KIZ: variants seen among roughly 807,000 people sequenced by gnomAD.
KIZ encodes the protein kizuna centrosomal protein.
Under a neutral mutation model 79.6 loss-of-function variants are expected in KIZ, and 68 were observed. That is an observed-to-expected ratio of 0.85 (90% CI 0.70 to 1.05). The LOEUF (loss-of-function observed/expected upper bound fraction) is 1.05. Among genes scored for constraint, KIZ ranks in the 50% least tolerant of loss-of-function variants. KIZ has a pLI of 0.00. For missense variants in KIZ, 797 were observed against 800.4 expected, an observed-to-expected ratio of 1.00 and a Z score of 0.05; for synonymous variants, 280 against 281.8, an observed-to-expected ratio of 0.99 and a Z score of 0.06.
At chr20:21,232,908 C>T (rs936104978) in intron 11 of KIZ, 78 bp downstream of exon 11, 7 of 725,344 alleles carry the variant, frequency 9.7e-6, no homozygotes, top group African/African-American at 8.7e-5. Flanking sequence ...ACTCTGGCTG[C>T]GTATTATTTT....
chr20:21,245,693 C>T (rs1486126075), intron 12 of KIZ: 3 of 152,312 alleles, frequency 2.0e-5, no homozygotes, highest in Admixed American at 6.5e-5. Flanking sequence ...GCAGCTGTGT[C>T]TCTCTGCCTG....
intron 7 of KIZ, among the ~76,000 whole-genome samples, chr20:21,209,404 T>A (rs1168416511): frequency 1.3e-5 from 2 of 152,256 alleles, no homozygotes; most frequent in Non-Finnish European, 2.9e-5. Flanking sequence ...GAGAACTTTA[T>A]CACAGCAGAG....
intron 4 of KIZ, among the ~76,000 whole-genome samples, chr20:21,155,208 A>G (rs557828615): frequency 3.6e-4 from 55 of 152,354 alleles, no homozygotes; most frequent in African/African-American, 1.3e-3. Flanking sequence ...ATTGGACACC[A>G]AAAGTGGACA....
chr20:21,245,099 A>G (rs1166955162), intron 12 of KIZ: 1 of 151,758 alleles, frequency 6.6e-6, no homozygotes, highest in Non-Finnish European at 1.5e-5. Context: ...GTCTCCTTAA[A>G]CCCCTTATAC....
At chr20:21,211,679 C>T (rs2036073383) in intron 7 of KIZ, among the ~76,000 whole-genome samples, 1 of 152,198 alleles carries the variant, frequency 6.6e-6, no homozygotes, top group Admixed American at 6.5e-5. Context: ...GTGTTAGTGT[C>T]ATCAGTCTCA....
intron 9 of KIZ, among the ~76,000 whole-genome samples, chr20:21,221,422 C>G (rs2036498056): frequency 6.6e-6 from 1 of 152,102 alleles, no homozygotes. Context: ...TGCACTCCAC[C>G]AATACTTTTC....
chr20:21,152,939 ATTAGGGATTTTTATG>A (rs2033192136), intron 4 of KIZ, among the ~76,000 whole-genome samples: 1 of 152,170 alleles, frequency 6.6e-6, no homozygotes, highest in African/African-American at 2.4e-5. Context: ...CAGATTCACT[ATTAGGGATTTTTATG>A]TTTGTTTTTA....
intron 3 of KIZ, among the ~76,000 whole-genome samples, chr20:21,143,931 T>G (rs2032709872): frequency 6.6e-6 from 1 of 152,240 alleles, no homozygotes; most frequent in Non-Finnish European, 1.5e-5. Flanking sequence ...GATATAGACT[T>G]ACATTCTGTA....
At chr20:21,188,922 A>G (rs1372194145) in intron 6 of KIZ, among the ~76,000 whole-genome samples, 3 of 151,756 alleles carry the variant, frequency 2.0e-5, no homozygotes, top group Admixed American at 6.6e-5. Flanking sequence ...GTCAGCCAGG[A>G]TGGTCTCGAT....
chr20:21,137,109 C>G (rs1252744076), intron 3 of KIZ, among the ~76,000 whole-genome samples: 1 of 152,182 alleles, frequency 6.6e-6, no homozygotes, highest in Admixed American at 6.5e-5. Flanking sequence ...TGAAAGGGTT[C>G]TTTTTCTGTG....
chr20:21,232,656 T>C, intron 10 of KIZ, 78 bp from the exon 11 acceptor site: 1 of 750,372 alleles, frequency 1.3e-6, no homozygotes, highest in Non-Finnish European at 2.4e-6. Flanking sequence ...CCAAACTTAC[T>C]GTGAGGCCAC....
intron 6 of KIZ, among the ~76,000 whole-genome samples, chr20:21,190,288 C>T (rs1418749752): frequency 6.6e-6 from 1 of 152,226 alleles, no homozygotes; most frequent in Non-Finnish European, 1.5e-5. Context: ...GGCATTGCTC[C>T]TGGGTGAAAT....
At chr20:21,135,739 TG>T (rs540232969) in intron 2 of KIZ, among the ~76,000 whole-genome samples, 155 of 152,354 alleles carry the variant, frequency 1.0e-3, no homozygotes, top group African/African-American at 3.6e-3. Flanking sequence ...CTATCCAGTA[TG>T]TTTTTTTATG....
chr20:21,210,245 T>G (rs1364087121), intron 7 of KIZ, among the ~76,000 whole-genome samples: 2 of 152,058 alleles, frequency 1.3e-5, no homozygotes, highest in African/African-American at 2.4e-5. Flanking sequence ...GAGGCAGAGG[T>G]TGCAGTGAGC....
At chr20:21,157,564 A>G (rs913178838) in intron 4 of KIZ, among the ~76,000 whole-genome samples, 1 of 152,176 alleles carries the variant, frequency 6.6e-6, no homozygotes, top group Non-Finnish European at 1.5e-5. Flanking sequence ...ATTTACTATA[A>G]GTACATCATG....
At chr20:21,180,931 G>C (rs2034632163) in intron 6 of KIZ, among the ~76,000 whole-genome samples, 1 of 152,184 alleles carries the variant, frequency 6.6e-6, no homozygotes, top group South Asian at 2.1e-4. Flanking sequence ...CCCATGTCCA[G>C]ATTACTGAAC....
At chr20:21,164,144 T>C (rs1469285575) in intron 6 of KIZ, among the ~76,000 whole-genome samples, 3 of 152,210 alleles carry the variant, frequency 2.0e-5, no homozygotes, top group Non-Finnish European at 2.9e-5. Context: ...TCCACAAAGC[T>C]GGCAGCAGTG....
chr20:21,246,614 A>T lies in KIZ; in HGVS notation c.*38A>T. On this transcript the variant is annotated 3_prime_UTR_variant, in exon 13 of 13. Coordinates refer to ENST00000619189, the MANE Select transcript of KIZ (RefSeq NM_018474.6). ...TTGGTTTCAAATAAAGTCTTTAAAC[A>T]AACTAAAATCCTGTGTTAATATGTG... 1 of 1,194,770 alleles carries T rather than the reference A, an allele frequency of 8.4e-7. No individual in the cohort carries two copies. The highest frequency in any genetic ancestry group is 1.2e-6 in the Non-Finnish European group (1 of 814,714). The allele number at this position is 1,194,770 out of a possible 1,614,324, so 74.0% of individuals were successfully genotyped here.
At chr20:21,195,786 G>A (rs554241756) in intron 6 of KIZ, 6 of 152,322 alleles carry the variant, frequency 3.9e-5, no homozygotes, top group African/African-American at 1.2e-4. Context: ...AAACTGAGAA[G>A]ATCTAGGTTC....
Sources: allele counts gnomAD v4.1 joint callset (sites outside exome capture counted in the v4.1 genomes callset), GRCh38; gene constraint gnomAD v4.1.1; transcripts MANE v1.5; gene names NCBI Gene and HGNC (gene_info 2026-07-23, HGNC 2026-07-21).